The following FBXL17 variants were observed in gnomAD, a reference collection of about 807,000 sequenced individuals.
The protein encoded by FBXL17 is F-box and leucine rich repeat protein 17, also known as F-box/LRR-repeat protein 17.
In FBXL17, 22 loss-of-function variants were observed where a neutral mutation model predicts 66.2. The ratio of observed to expected loss-of-function variants is 0.33; its 90% CI spans 0.24 to 0.47. FBXL17 has a LOEUF of 0.47. Among genes scored for constraint, FBXL17 ranks in the 20% least tolerant of loss-of-function variants. FBXL17 has a pLI of 1.00. For synonymous variants in FBXL17, 474 were observed against 400.5 expected (o/e 1.18, Z -2.19); for missense variants, 878 against 948.2 (o/e 0.93, Z 0.97).
chr5:108,357,043 A>G (rs866171618), intron 3 of FBXL17, among the ~76,000 whole-genome samples: 2 of 152,210 alleles, frequency 1.3e-5, no homozygotes, highest in South Asian at 2.1e-4. Flanking sequence ...CAAAATTTCA[A>G]AATTTCAATG....
intron 7 of FBXL17, among the ~76,000 whole-genome samples, chr5:107,886,017 T>C (rs994349957): frequency 6.6e-6 from 1 of 152,050 alleles, no homozygotes; most frequent in Non-Finnish European, 1.5e-5. Flanking sequence ...ATAAACAGCA[T>C]AACCCAGATG....
chr5:108,119,529 A>C (rs1750392671), intron 6 of FBXL17, among the ~76,000 whole-genome samples: 1 of 152,214 alleles, frequency 6.6e-6, no homozygotes, highest in Middle Eastern at 3.2e-3. Flanking sequence ...TTCAGAAGGA[A>C]TATATTTCTC....
At chr5:108,056,549 A>G (rs1747716222) in intron 6 of FBXL17, among the ~76,000 whole-genome samples, 1 of 152,206 alleles carries the variant, frequency 6.6e-6, no homozygotes, top group Admixed American at 6.5e-5. Context: ...ACAAATACAT[A>G]AAGTAGTCAA....
chr5:108,129,772 T>C (rs1338276236), intron 6 of FBXL17, among the ~76,000 whole-genome samples: 9 of 147,934 alleles, frequency 6.1e-5, no homozygotes, highest in Admixed American at 2.7e-4. Flanking sequence ...ACAAAGATTT[T>C]CAAAATAAAT....
intron 4 of FBXL17, among the ~76,000 whole-genome samples, chr5:108,262,534 T>C (rs963968891): frequency 6.6e-6 from 1 of 152,184 alleles, no homozygotes; most frequent in Admixed American, 6.5e-5. Flanking sequence ...GTCTACGTGA[T>C]TTTTTACAAG....
At position 107,880,337 on chromosome 5, in the gene FBXL17, C is replaced by T. The variant is rs545876864; in HGVS notation, c.1965+700G>A. On this transcript the variant is annotated intron_variant, in intron 8 of 8. Coordinates refer to ENST00000542267, the MANE Select transcript of FBXL17 (RefSeq NM_001163315.3). ...CAAGTGATCCTTCTGCCTTGGCCTC[C>T]CAATGTGCTGGGATTACAGGTGTCA... 25 of 981,770 alleles carry T rather than the reference C, an allele frequency of 2.5e-5. No individual in the cohort carries two copies. The African/African-American group carries it at 3.3e-4, about 13-fold the overall frequency. The allele number at this position is 981,770 out of a possible 1,614,324, so 60.8% of individuals were successfully genotyped here.
At chr5:108,316,329 G>A (rs1298578325) in intron 4 of FBXL17, among the ~76,000 whole-genome samples, 1 of 151,164 alleles carries the variant, frequency 6.6e-6, no homozygotes, top group African/African-American at 2.4e-5. Flanking sequence ...ATTTTTATAC[G>A]GCAATATCAA....
rs756230874 is a variant in FBXL17 at position 108,364,725 on chromosome 5, T to C, written c.1374+13A>G. 1.3e-6 allele frequency: 2 copies of C among 1,584,072 alleles called. No homozygotes were observed. Among genetic ancestry groups the C allele is most frequent in the Admixed American group, 1.8e-5 (1 of 55,390 alleles). ...AATTCAAGTAAAATCACTTTATAAATGCTAAAATTTACCTGCTTGAGTCCT... is the reference window on the plus strand; with the variant it reads ...AATTCAAGTAAAATCACTTTATAAACGCTAAAATTTACCTGCTTGAGTCCT... On this transcript the variant is annotated intron_variant, in intron 3 of 8. Transcript: ENST00000542267.
intron 5 of FBXL17, among the ~76,000 whole-genome samples, chr5:108,211,938 A>G (rs1254984847): frequency 6.6e-6 from 1 of 151,948 alleles, no homozygotes; most frequent in Admixed American, 6.5e-5. Context: ...ACTTGGTTTC[A>G]TTCTCCCCAT....
At chr5:108,025,204 T>C (rs534401270) in intron 6 of FBXL17, among the ~76,000 whole-genome samples, 8 of 152,146 alleles carry the variant, frequency 5.3e-5, no homozygotes, top group South Asian at 2.1e-4. Context: ...AAGAAGCTAA[T>C]TGGAGCTGCC....
At chr5:108,268,379 T>G (rs1459551577) in intron 4 of FBXL17, among the ~76,000 whole-genome samples, 1 of 152,010 alleles carries the variant, frequency 6.6e-6, no homozygotes, top group South Asian at 2.1e-4. Context: ...GCATTTTATC[T>G]CAAAGTATAA....
rs369031643 is a variant in FBXL17 at position 108,200,887 on chromosome 5, G to A, written c.1615-14640C>T. ...AAGAGCTCAATTGCCTTTAGTCAAT[G>A]TACTCTATTGGACTCTATTACTGGG... On this transcript the variant is annotated intron_variant, in intron 5 of 8. Coordinates refer to ENST00000542267, the MANE Select transcript of FBXL17 (RefSeq NM_001163315.3). 2.4e-4 allele frequency among the ~76,000 whole-genome samples: 36 copies of A among 152,232 alleles called. No homozygotes were observed. In the South Asian group the frequency reaches 7.1e-3, roughly 30 times the overall value.
chr5:108,184,089 C>T (rs1016949340), intron 6 of FBXL17, among the ~76,000 whole-genome samples: 3 of 151,942 alleles, frequency 2.0e-5, no homozygotes, highest in Non-Finnish European at 4.4e-5. Flanking sequence ...ATGGAGTCTA[C>T]ATGGTTTTAT....
intron 3 of FBXL17, among the ~76,000 whole-genome samples, chr5:108,361,327 A>C (rs1748323499): frequency 6.6e-6 from 1 of 152,152 alleles, no homozygotes; most frequent in African/African-American, 2.4e-5. Flanking sequence ...CAAAGCTTAA[A>C]AACAAAACTA....
chr5:108,226,196 T>A (rs542674423), intron 4 of FBXL17, among the ~76,000 whole-genome samples: 30 of 152,328 alleles, frequency 2.0e-4, no homozygotes, highest in African/African-American at 7.2e-4. Context: ...TCCCCTAGAA[T>A]AACCAACCAT....
At chr5:108,306,738 C>G (rs1215343629) in intron 4 of FBXL17, among the ~76,000 whole-genome samples, 1 of 151,942 alleles carries the variant, frequency 6.6e-6, no homozygotes, top group African/African-American at 2.4e-5. Context: ...ATTGTGTCCA[C>G]AGAACACAGA....
intron 4 of FBXL17, among the ~76,000 whole-genome samples, chr5:108,238,662 C>T (rs1035624515): frequency 6.6e-6 from 1 of 152,068 alleles, no homozygotes; most frequent in Non-Finnish European, 1.5e-5. Flanking sequence ...AGGCATGCAC[C>T]ACCTTGCCAG....
At chr5:107,918,817 C>A (rs1750217561) in intron 7 of FBXL17, among the ~76,000 whole-genome samples, 1 of 152,172 alleles carries the variant, frequency 6.6e-6, no homozygotes, top group South Asian at 2.1e-4. Context: ...CAATGCTTAG[C>A]CTTGCTGCTT....
intron 4 of FBXL17, among the ~76,000 whole-genome samples, chr5:108,313,013 C>G (rs1389720368): frequency 6.6e-6 from 1 of 152,030 alleles, no homozygotes; most frequent in East Asian, 1.9e-4. Context: ...GAAATAATTT[C>G]ACAAATAATC....
Sources: gnomAD v4.1 joint callset for allele counts (sites outside exome capture counted in the v4.1 genomes callset) on GRCh38, gnomAD v4.1.1 for gene constraint, MANE v1.5 for transcripts, NCBI Gene and HGNC (gene_info 2026-07-23, HGNC 2026-07-21) for gene names.